The following ADAMTS10 variants were observed in gnomAD, a reference collection of about 807,000 sequenced individuals.
ADAMTS10 encodes the protein ADAM metallopeptidase with thrombospondin type 1 motif 10.
In ADAMTS10, 48 loss-of-function variants were observed where a neutral mutation model predicts 135.9. The ratio of observed to expected loss-of-function variants is 0.35; its 90% CI spans 0.28 to 0.45. ADAMTS10 has a LOEUF of 0.45. ADAMTS10 is among the 20% of genes least tolerant of loss of function. ADAMTS10 has a pLI of 1.00. For missense variants in ADAMTS10, 1,131 were observed against 1,565.2 expected (o/e 0.72, Z 4.68); for synonymous variants, 621 against 647.5 (o/e 0.96, Z 0.62).
At position 8,605,518 on chromosome 19, in the gene ADAMTS10, C is replaced by G; in HGVS notation, c.88+105G>C. On this transcript the variant is annotated intron_variant, in intron 3 of 25. Coordinates refer to ENST00000597188, the MANE Select transcript of ADAMTS10 (RefSeq NM_030957.4). This position sits in a 1 kb window ranked among gnomAD's most constrained non-coding sequence, Gnocchi z 7.7. ...CGCCTATTGACCCCAGGGCCTTCCC[C>G]CATTGACCCCCATCCCAGCCCCCTG... 6.8e-7 allele frequency: 1 copy of G among 1,471,236 alleles called. No homozygotes were observed. The highest frequency in any genetic ancestry group is 9.2e-7 in the Non-Finnish European group (1 of 1,081,522). The allele number at this position is 1,471,236 out of a possible 1,614,324, so 91.1% of individuals were successfully genotyped here.
Position 8,607,507 on chromosome 19 carries a change from C to T in ADAMTS10, c.-100+627G>A, listed in dbSNP as rs1341268769. Among the ~76,000 whole-genome samples the T allele has an allele frequency of 2.6e-5, 4 of 152,186 alleles. No individual in the cohort carries two copies. The South Asian group carries it at 8.3e-4, about 31-fold the overall frequency. ...CCACCCTGTGCCAAACCCTCTTCCC[C>T]CACCCTGCTGTCTCCACCCTCCTCC... On this transcript the variant is annotated intron_variant, in intron 2 of 25. Coordinates refer to ENST00000597188, the MANE Select transcript of ADAMTS10 (RefSeq NM_030957.4).
chr19:8,601,316 T>C lies in ADAMTS10; in HGVS notation c.593-171A>G, dbSNP rs2042667367. Among the ~76,000 whole-genome samples, 1 of 152,076 alleles carries C rather than the reference T, an allele frequency of 6.6e-6. No homozygotes were observed. The highest frequency in any genetic ancestry group is 1.5e-5 in the Non-Finnish European group (1 of 68,016). Reference sequence around the variant, plus strand: ...TGTTGTCCAGCTACCTGTGTGATGGTCTGTCTGCCCAATGGGCTGCCAAAC... The same window carrying C: ...TGTTGTCCAGCTACCTGTGTGATGGCCTGTCTGCCCAATGGGCTGCCAAAC... On this transcript the variant is annotated intron_variant, in intron 5 of 25. Transcript: ENST00000597188. This position sits in a 1 kb window ranked among gnomAD's most constrained non-coding sequence, Gnocchi z 4.6.
chr19:8,597,388 A>C, intron 6 of ADAMTS10, 71 bp from the exon 7 acceptor site: 4 of 1,370,844 alleles, frequency 2.9e-6, no homozygotes, highest in East Asian at 2.4e-5. Flanking sequence ...AGCAAAAACA[A>C]TGATAACAGC....
intron 15 of ADAMTS10, among the ~76,000 whole-genome samples, chr19:8,591,017 T>G (rs2042517860): frequency 6.6e-6 from 1 of 152,170 alleles, no homozygotes; most frequent in Admixed American, 6.5e-5. Flanking sequence ...TCCAAAGCTC[T>G]CACTGCCCTC....
chr19:8,590,682 A>G (rs2042512414), intron 15 of ADAMTS10, among the ~76,000 whole-genome samples: 1 of 151,832 alleles, frequency 6.6e-6, no homozygotes, highest in Non-Finnish European at 1.5e-5. Context: ...CTGGTCTCGA[A>G]CTCCTGACCT....
intron 12 of ADAMTS10, chr19:8,593,180 A>G: frequency 2.2e-6 from 1 of 460,244 alleles, no homozygotes. Flanking sequence ...CTACTAAGGG[A>G]ATAGCCTGGA....
intron 15 of ADAMTS10, among the ~76,000 whole-genome samples, chr19:8,590,955 A>G (rs558678832): frequency 6.6e-6 from 1 of 152,188 alleles, no homozygotes; most frequent in Non-Finnish European, 1.5e-5. Context: ...AGAAAGTGCT[A>G]GCATGTGGAT....
In ADAMTS10 at chr19:8,601,384, C is replaced by T. The variant is rs1280466151; in HGVS notation, c.593-239G>A. 5.9e-4 allele frequency among the ~76,000 whole-genome samples: 85 copies of T among 142,862 alleles called. No homozygotes were observed. The highest frequency in any genetic ancestry group is 2.0e-3 in the African/African-American group (76 of 38,526). 93.7% of individuals were successfully genotyped at this position (142,862 alleles called of 152,430 possible). The stretch of plus-strand genomic sequence containing the variant: ...ATTCTTTTTTTTTTTTTTTTTGAGA[C>T]GGAGTATCATTCTGTCACCCAGGCT... On this transcript the variant is annotated intron_variant, in intron 5 of 25. Coordinates refer to ENST00000597188, the MANE Select transcript of ADAMTS10 (RefSeq NM_030957.4). The surrounding 1 kb of genome is among the most constrained non-coding windows in gnomAD (Gnocchi z 4.6).
chr19:8,581,129 A>AATTTTTTTTTTTTTT (rs2042341377), intron 25 of ADAMTS10, 127 bp from the exon 26 acceptor site: 2 of 126,900 alleles, frequency 1.6e-5, no homozygotes, highest in Non-Finnish European at 2.6e-5. Flanking sequence ...TTTTAAATTT[A>AATTTTTTTTTTTTTT]CTTTTTTTTT....
At chr19:8,600,522 A>G (rs2042653492) in intron 6 of ADAMTS10, among the ~76,000 whole-genome samples, 2 of 125,842 alleles carry the variant, frequency 1.6e-5, no homozygotes, top group East Asian at 4.5e-4. Context: ...TTTTTTTGAC[A>G]GAGTCTTGCT....
At position 8,605,493 on chromosome 19, in the gene ADAMTS10, C is replaced by T. The variant is rs1355384227; in HGVS notation, c.88+130G>A. 1.2e-5 allele frequency: 17 copies of T among 1,471,080 alleles called. No homozygotes were observed. Among genetic ancestry groups the T allele is most frequent in the Admixed American group, 4.0e-5 (2 of 50,600 alleles). The allele number at this position is 1,471,080 out of a possible 1,614,324, so 91.1% of individuals were successfully genotyped here. On this transcript the variant is annotated intron_variant, in intron 3 of 25. Transcript: ENST00000597188. The surrounding 1 kb of genome is among the most constrained non-coding windows in gnomAD (Gnocchi z 7.7). ...TCCAGGGAGTTGGCTGCAAGGCTCC[C>T]GCCTATTGACCCCAGGGCCTTCCCC... is the stretch of plus-strand genomic sequence containing the variant.
At position 8,584,981 on chromosome 19, in the gene ADAMTS10, T is replaced by A. The variant is rs566999321; in HGVS notation, c.3116A>T (p.His1039Leu). ...CGGCCGCAGGGCCTCCGTGCACTCGTGCGACGCCTGGCCCGTGTGGCTGGT... is the reference window on the plus strand; with the variant it reads ...CGGCCGCAGGGCCTCCGTGCACTCGAGCGACGCCTGGCCCGTGTGGCTGGT... ...RCTSHTGQAS[H>L]ECTEALRPPT... is the part of the protein sequence containing the mutation. The change falls in exon 25 of 26, where the codon CAC (histidine) becomes CTC (leucine). Residue 1039 changes from histidine to leucine, a missense_variant. This residue lies in a region of ADAMTS10 where 745 missense variants were observed against 1,056.3 expected (regional missense o/e 0.71). Coordinates refer to ENST00000597188, the MANE Select transcript of ADAMTS10 (RefSeq NM_030957.4). 6.5e-7 allele frequency: 1 copy of A among 1,545,212 alleles called. No individual in the cohort carries two copies. The highest frequency in any genetic ancestry group is 2.0e-5 in the Admixed American group (1 of 50,924).
At position 8,590,788 on chromosome 19, in the gene ADAMTS10, G is replaced by T. The variant is rs113422180; in HGVS notation, c.1798-797C>A. Among the ~76,000 whole-genome samples, 838 of 152,046 alleles carry T rather than the reference G, an allele frequency of 5.5e-3. 3 individuals carry two copies. The highest frequency in any genetic ancestry group is 0.019 in the African/African-American group (797 of 41,486). ...TTTTTGTATTTTTAGTAGAGATGGG[G>T]TTTTGCCATGTTGGCCAGGATGGTC... On this transcript the variant is annotated intron_variant, in intron 15 of 25. Coordinates refer to ENST00000597188, the MANE Select transcript of ADAMTS10 (RefSeq NM_030957.4).
chr19:8,600,629 G>T (rs1234811457), intron 6 of ADAMTS10, among the ~76,000 whole-genome samples: 12 of 151,648 alleles, frequency 7.9e-5, no homozygotes, highest in Non-Finnish European at 1.2e-4. Flanking sequence ...CTCCCGAGTA[G>T]CTGGGACTAC....
chr19:8,591,586 C>T lies in ADAMTS10; in HGVS notation c.1797+214G>A, dbSNP rs575062623. Among the ~76,000 whole-genome samples the T allele has an allele frequency of 5.9e-5, 9 of 151,862 alleles. No individual in the cohort carries two copies. The East Asian group carries it at 1.5e-3, about 26-fold the overall frequency. ...CCTCCCGAGTAGCTGGGATTACAGG[C>T]GCCTGCCACCACGCCCAGCTAATTT... On this transcript the variant is annotated intron_variant, in intron 15 of 25. Coordinates refer to ENST00000597188, the MANE Select transcript of ADAMTS10 (RefSeq NM_030957.4).
At chr19:8,583,061 G>A (rs571467627) in intron 25 of ADAMTS10, among the ~76,000 whole-genome samples, 1 of 152,246 alleles carries the variant, frequency 6.6e-6, no homozygotes, top group South Asian at 2.1e-4. Context: ...TGGGATTACA[G>A]GCATGAGCCA....
chr19:8,593,015 C>G (rs2042561949), intron 12 of ADAMTS10, 145 bp from the exon 13 acceptor site: 1 of 729,638 alleles, frequency 1.4e-6, no homozygotes, highest in Non-Finnish European at 2.4e-6. Context: ...CGCGGTGGGT[C>G]TTCGTGCATC....
chr19:8,586,773 C>G (rs1555737364), intron 19 of ADAMTS10, 43 bp downstream of exon 19: 1 of 1,614,056 alleles, frequency 6.2e-7, no homozygotes, highest in Non-Finnish European at 8.5e-7. Context: ...ACCGCCCTCC[C>G]CACTGACCCC....
rs954365498 is a variant in ADAMTS10 at position 8,580,707 on chromosome 19, G to C, written c.*186C>G. 1 of 591,242 alleles carries C rather than the reference G, an allele frequency of 1.7e-6. No individual in the cohort carries two copies. The highest frequency in any genetic ancestry group is 3.0e-6 in the Non-Finnish European group (1 of 331,684). The allele number at this position is 591,242 out of a possible 1,614,324, so 36.6% of individuals were successfully genotyped here. ...GGGGCGGATGCTGAAGAGGGGCTCT[G>C]GGGGGATAGCCAGCCCCTCTCCATC... On this transcript the variant is annotated 3_prime_UTR_variant, in exon 26 of 26. Transcript: ENST00000597188.
Sources: allele counts gnomAD v4.1 joint callset (sites outside exome capture counted in the v4.1 genomes callset), GRCh38; gene constraint gnomAD v4.1.1; regional missense constraint gnomAD v4.1.1; non-coding constraint Gnocchi (gnomAD v3.1); transcripts MANE v1.5; gene names NCBI Gene and HGNC (gene_info 2026-07-23, HGNC 2026-07-21).